The following CEP162 variants were observed in gnomAD, a reference collection of about 807,000 sequenced individuals.
CEP162 encodes the protein centrosomal protein 162.
Under a neutral mutation model 169.2 loss-of-function variants are expected in CEP162, and 141 were observed. The ratio of observed to expected loss-of-function variants is 0.83; its 90% CI spans 0.73 to 0.96. The LOEUF (loss-of-function observed/expected upper bound fraction) is 0.96. CEP162 is among the 40% of genes least tolerant of loss of function. The probability of loss-of-function intolerance (pLI) is 0.00; values close to 1 mark genes in which losing one functional copy is unlikely to be tolerated. For missense variants in CEP162, 1,600 were observed against 1,587.2 expected, an observed-to-expected ratio of 1.01 and a Z score of -0.14; for synonymous variants, 540 against 526.4, an observed-to-expected ratio of 1.03 and a Z score of -0.35.
In CEP162 at chr6:84,155,519, A is replaced by T; in HGVS notation, c.2782-9T>A. 1 of 1,562,420 alleles carries T rather than the reference A, an allele frequency of 6.4e-7. No homozygotes were observed. The highest frequency in any genetic ancestry group is 8.8e-7 in the Non-Finnish European group (1 of 1,140,860). ...CCTTCCATTTCCTTAACCTATTAAA[A>T]CATATTTTCCACCAAAGAACACTTA... On this transcript the variant is annotated splice_polypyrimidine_tract_variant and intron_variant, in intron 21 of 26. Coordinates refer to ENST00000403245, the MANE Select transcript of CEP162 (RefSeq NM_014895.4).
At chr6:84,175,509 T>C (rs888492271) in intron 13 of CEP162, among the ~76,000 whole-genome samples, 162 bp from the exon 14 acceptor site, 2 of 152,196 alleles carry the variant, frequency 1.3e-5, no homozygotes, top group African/African-American at 2.4e-5. Flanking sequence ...CTATAACTGA[T>C]TGCATTCAGA....
chr6:84,225,368 G>A (rs1352223968), intron 2 of CEP162, among the ~76,000 whole-genome samples: 1 of 152,092 alleles, frequency 6.6e-6, no homozygotes, highest in Non-Finnish European at 1.5e-5. Flanking sequence ...TAACACAATG[G>A]CAAGCATTTC....
At position 84,146,689 on chromosome 6, in the gene CEP162, C is replaced by T; in HGVS notation, c.3868G>A (p.Glu1290Lys). The T allele has an allele frequency of 1.3e-6, 2 of 1,528,520 alleles. No individual in the cohort carries two copies. Among genetic ancestry groups the T allele is most frequent in the South Asian group, 2.4e-5 (2 of 81,782 alleles). 94.7% of individuals were successfully genotyped at this position (1,528,520 alleles called of 1,614,324 possible). The stretch of plus-strand genomic sequence containing the variant: ...CCAATATTTTGGCCATTTCTTACCT[C>T]TTTCTGTAGAATTTCTTCTCGAACT... ...SEVREEILQK[E>K]ITKLLEELRE... is the part of the protein sequence containing the mutation. Residue 1290 changes from glutamate (E) to lysine (K), a missense_variant and splice_region_variant, in exon 25 of 27, where the codon GAG becomes AAG. Physicochemically the swap from Glu to Lys is moderately conservative, Grantham distance 56. Transcript: ENST00000403245.
At chr6:84,197,750 G>A (rs2099542741) in intron 9 of CEP162, among the ~76,000 whole-genome samples, 1 of 151,162 alleles carries the variant, frequency 6.6e-6, no homozygotes, top group Non-Finnish European at 1.5e-5. Flanking sequence ...CCAGGAGGTG[G>A]AGACTGCAGT....
intron 11 of CEP162, among the ~76,000 whole-genome samples, chr6:84,189,635 C>G (rs191008134): frequency 0.036 from 5,532 of 152,326 alleles, 365 homozygotes; most frequent in African/African-American, 0.13. Context: ...TGCAGCCCGC[C>G]ATGCCTGAGC....
In CEP162 at chr6:84,215,816, A is replaced by G; in HGVS notation, c.279T>C (p.Ser93=). 6.3e-7 allele frequency: 1 copy of G among 1,590,680 alleles called. No homozygotes were observed. Among genetic ancestry groups the G allele is most frequent in the Non-Finnish European group, 8.6e-7 (1 of 1,166,590 alleles). Residue 93 remains serine, a synonymous_variant, in exon 4 of 27, where the codon AGT becomes AGC. Transcript: ENST00000403245. ...TATCAGTACTTAAGAGAGAGGTTCC[A>G]CTGCTCTTAAGAAATTGAATCTTTT... ...SAEKIQFLKS[S]GTSLLSTDSL... is the part of the protein sequence containing the mutation.
intron 13 of CEP162, among the ~76,000 whole-genome samples, chr6:84,180,174 G>A (rs2099534168): frequency 6.6e-6 from 1 of 152,162 alleles, no homozygotes; most frequent in African/African-American, 2.4e-5. Context: ...TCCCTGGGAT[G>A]CAAGGAGGGT....
chr6:84,170,511 T>TA (rs1463544180), intron 17 of CEP162, among the ~76,000 whole-genome samples: 2 of 151,820 alleles, frequency 1.3e-5, no homozygotes, highest in African/African-American at 4.8e-5. Context: ...TATAGTCTGC[T>TA]ACCAAGTGTG....
intron 25 of CEP162, among the ~76,000 whole-genome samples, chr6:84,131,481 AG>A (rs1168641990): frequency 1.3e-5 from 2 of 152,128 alleles, no homozygotes; most frequent in African/African-American, 4.8e-5. Context: ...GTGGGAGTCT[AG>A]GTCTCTTTGT....
Position 84,175,287 on chromosome 6 carries a change from G to T in CEP162, c.1724C>A (p.Thr575Asn), listed in dbSNP as rs1266358362. 6 of 1,547,332 alleles carry T rather than the reference G, an allele frequency of 3.9e-6. No homozygotes were observed. The South Asian group carries it at 7.2e-5, about 19-fold the overall frequency. ...PAALDKPAHK[T>N]ESCLSTRKKS... ...CTTACGAGTAGACAGGCAACTTTCA[G>T]TTTTGTGAGCTGGTTTATCCAAAGC... Residue 575 changes from threonine (T) to asparagine (N), a missense_variant, in exon 14 of 27, where the codon ACT (threonine) becomes AAT (asparagine). Thr to Asn is a moderately conservative substitution (Grantham distance 65, BLOSUM62 0). Transcript: ENST00000403245.
At chr6:84,178,547 T>C (rs2099533338) in intron 13 of CEP162, among the ~76,000 whole-genome samples, 1 of 152,208 alleles carries the variant, frequency 6.6e-6, no homozygotes, top group African/African-American at 2.4e-5. Context: ...AAAGTATGCT[T>C]TGATTAATAC....
intron 17 of CEP162, among the ~76,000 whole-genome samples, chr6:84,170,945 A>AG (rs2099529868): frequency 6.6e-6 from 1 of 152,188 alleles, no homozygotes; most frequent in Non-Finnish European, 1.5e-5. Context: ...CCCGGCATAA[A>AG]GGGCAGCCCC....
rs374562747 is a variant in CEP162 at position 84,152,862 on chromosome 6, G to A, written c.3312C>T (p.Leu1104=). Residue 1104 remains leucine, a synonymous_variant, in exon 23 of 27, where the codon CTC becomes CTT. Transcript: ENST00000403245. ...LAAKKREIQD[L]SKTVERLQKD... ...TCTGAAGCCTCTCCACAGTTTTTGAGAGGTCTTGTATTTCTCTCTTTTTTG... is the reference window on the plus strand; with the variant it reads ...TCTGAAGCCTCTCCACAGTTTTTGAAAGGTCTTGTATTTCTCTCTTTTTTG... The A allele has an allele frequency of 6.2e-7, 1 of 1,613,676 alleles. No individual in the cohort carries two copies. The highest frequency in any genetic ancestry group is 8.5e-7 in the Non-Finnish European group (1 of 1,179,800).
chr6:84,226,597 T>C, intron 1 of CEP162, 145 bp from the exon 2 acceptor site: 2 of 561,764 alleles, frequency 3.6e-6, no homozygotes, highest in Non-Finnish European at 6.4e-6. Flanking sequence ...AGATTCCTAA[T>C]TCATTAAGCA....
At chr6:84,144,427 A>C (rs1035076762) in intron 25 of CEP162, among the ~76,000 whole-genome samples, 1 of 152,128 alleles carries the variant, frequency 6.6e-6, no homozygotes, top group Non-Finnish European at 1.5e-5. Flanking sequence ...TATCAAGTGC[A>C]TTATAATGAA....
At chr6:84,149,754 T>G in intron 23 of CEP162, 51 bp from the exon 24 acceptor site, 2 of 1,406,240 alleles carry the variant, frequency 1.4e-6, no homozygotes, top group Non-Finnish European at 1.9e-6. Flanking sequence ...CTTCAACCTC[T>G]AATTCAGAGT....
chr6:84,202,048 T>C (rs2099544740), intron 7 of CEP162, among the ~76,000 whole-genome samples: 1 of 152,246 alleles, frequency 6.6e-6, no homozygotes, highest in Admixed American at 6.5e-5. Context: ...TAAGTTCCAT[T>C]TGCTCATCTA....
intron 25 of CEP162, among the ~76,000 whole-genome samples, chr6:84,138,483 T>C (rs2099515092): frequency 6.6e-6 from 1 of 152,148 alleles, no homozygotes; most frequent in Non-Finnish European, 1.5e-5. Flanking sequence ...GTCCTCAAAC[T>C]AGTCTTGTCA....
chr6:84,169,665 T>C (rs998596824), intron 17 of CEP162, among the ~76,000 whole-genome samples: 1 of 152,124 alleles, frequency 6.6e-6, no homozygotes, highest in Non-Finnish European at 1.5e-5. Flanking sequence ...CTAAGATTAT[T>C]GGTTTATTTA....
Sources: gnomAD v4.1 joint callset for allele counts (sites outside exome capture counted in the v4.1 genomes callset) on GRCh38, gnomAD v4.1.1 for gene constraint, MANE v1.5 for transcripts, NCBI Gene and HGNC (gene_info 2026-07-23, HGNC 2026-07-21) for gene names.